Variants in CADM2 observed in about 807,000 individuals in gnomAD.
CADM2 encodes cell adhesion molecule 2.
A neutral mutation model predicts 49.8 loss-of-function variants in CADM2; 12 were observed. That is an observed-to-expected ratio of 0.24 (90% confidence interval 0.15 to 0.39). The LOEUF is 0.39. CADM2 is among the 10% of genes least tolerant of loss of function. The pLI, the probability that CADM2 is intolerant of heterozygous loss-of-function variation, is 1.00. For synonymous variants in CADM2, 214 were observed against 175.4 expected, an observed-to-expected ratio of 1.22 and a Z score of -1.74; for missense variants, 378 against 492.3, an observed-to-expected ratio of 0.77 and a Z score of 2.20.
intron 1 of CADM2, among the ~76,000 whole-genome samples, chr3:85,619,388 G>A (rs2063903152): frequency 6.6e-6 from 1 of 151,824 alleles, no homozygotes; most frequent in Non-Finnish European, 1.5e-5. Flanking sequence ...AGAATGAAAG[G>A]GGGAAAGAAG....
chr3:85,267,193 T>TATCA (rs928107420), intron 1 of CADM2, among the ~76,000 whole-genome samples: 26 of 151,796 alleles, frequency 1.7e-4, no homozygotes, highest in African/African-American at 6.3e-4. Flanking sequence ...TTAATTATCT[T>TATCA]ATCACTCTCA....
rs552252182 is a variant in CADM2 at position 85,000,691 on chromosome 3, T to G, written c.61+41023T>G. Among the ~76,000 whole-genome samples, 4 of 152,190 alleles carry G rather than the reference T, an allele frequency of 2.6e-5. No individual in the cohort carries two copies. In the East Asian group the frequency reaches 7.7e-4, roughly 29 times the overall value. ...AAACAAATTCACTCTTGGTTGTTGT[T>G]TTTTTTAATGTAGTTGCTTTTTTCA... On this transcript the variant is annotated intron_variant, in intron 1 of 9. Transcript: ENST00000383699.
intron 3 of CADM2, among the ~76,000 whole-genome samples, chr3:85,834,458 T>C (rs765035409): frequency 1.4e-4 from 22 of 151,818 alleles, no homozygotes; most frequent in Non-Finnish European, 2.5e-4. Context: ...CATGAGGGTA[T>C]AAGTAGAAAA....
chr3:85,675,161 T>C (rs2065855263), intron 1 of CADM2, among the ~76,000 whole-genome samples: 1 of 152,146 alleles, frequency 6.6e-6, no homozygotes, highest in South Asian at 2.1e-4. Flanking sequence ...TCCCTTCATA[T>C]TATTGGGGCA....
At chr3:85,640,631 G>A (rs1246617050) in intron 1 of CADM2, among the ~76,000 whole-genome samples, 4 of 152,112 alleles carry the variant, frequency 2.6e-5, no homozygotes, top group African/African-American at 7.2e-5. Context: ...AGCAGATTGG[G>A]ATCAGACTGT....
chr3:85,288,426 T>G (rs1212892915), intron 1 of CADM2, among the ~76,000 whole-genome samples: 1 of 152,112 alleles, frequency 6.6e-6, no homozygotes, highest in East Asian at 1.9e-4. Context: ...GTTAGATAAT[T>G]TTTGTTTTTT....
At chr3:85,000,704 G>C (rs564074943) in intron 1 of CADM2, among the ~76,000 whole-genome samples, 1 of 151,774 alleles carries the variant, frequency 6.6e-6, no homozygotes, top group East Asian at 1.9e-4. Flanking sequence ...TTTTAATGTA[G>C]TTGCTTTTTT....
At chr3:85,305,607 A>G (rs575355210) in intron 1 of CADM2, among the ~76,000 whole-genome samples, 288 of 151,806 alleles carry the variant, frequency 1.9e-3, no homozygotes, top group African/African-American at 6.3e-3. Flanking sequence ...TATTAAATCT[A>G]TATTGCAAAA....
intron 1 of CADM2, among the ~76,000 whole-genome samples, chr3:85,032,468 T>G (rs2035030005): frequency 6.6e-6 from 1 of 152,120 alleles, no homozygotes; most frequent in African/African-American, 2.4e-5. Flanking sequence ...GTACTAAAAT[T>G]ATGGGTCTTA....
intron 1 of CADM2, among the ~76,000 whole-genome samples, chr3:85,568,606 CTCTT>C (rs2062385240): frequency 2.0e-5 from 1 of 49,576 alleles, no homozygotes; most frequent in Non-Finnish European, 5.1e-5. Context: ...TTTCTTTCCT[CTCTT>C]TCTTTTTTTT....
chr3:85,936,379 A>G lies in CADM2; in HGVS notation c.791+522A>G, dbSNP rs1308465950. Among the ~76,000 whole-genome samples, 5 of 151,882 alleles carry G rather than the reference A, an allele frequency of 3.3e-5. No individual in the cohort carries two copies. The East Asian group carries it at 9.6e-4, about 29-fold the overall frequency. ...TTCAATATTAGAATATATGCACGTCAATGTGATAATGTCACTTCAACTCTA... is the reference window on the plus strand; with the variant it reads ...TTCAATATTAGAATATATGCACGTCGATGTGATAATGTCACTTCAACTCTA... On this transcript the variant is annotated intron_variant, in intron 7 of 9. Coordinates refer to ENST00000383699, the MANE Select transcript of CADM2 (RefSeq NM_001167675.2).
chr3:85,108,970 T>G, intron 1 of CADM2, among the ~76,000 whole-genome samples: 1 of 152,084 alleles, frequency 6.6e-6, no homozygotes, highest in East Asian at 1.9e-4. Context: ...GTATGGGAAC[T>G]ATATAGCTTA....
intron 8 of CADM2, among the ~76,000 whole-genome samples, chr3:86,033,268 C>A (rs1160345410): frequency 2.6e-5 from 4 of 151,958 alleles, no homozygotes. Context: ...ACTTGACAAA[C>A]TTTTCTAATA....
intron 2 of CADM2, among the ~76,000 whole-genome samples, chr3:85,761,367 CTTTTTTTT>C (rs529447125): frequency 9.9e-6 from 1 of 101,090 alleles, no homozygotes; most frequent in African/African-American, 4.8e-5. Context: ...CAACACAAAA[CTTTTTTTT>C]TTTTTTTTTT....
intron 1 of CADM2, among the ~76,000 whole-genome samples, chr3:84,976,582 G>A (rs2031834771): frequency 2.6e-5 from 4 of 151,730 alleles, no homozygotes; most frequent in Admixed American, 2.6e-4. Flanking sequence ...ACTTGTCTTA[G>A]AAGTAAAGTT....
At chr3:85,083,900 GA>G (rs2037271469) in intron 1 of CADM2, among the ~76,000 whole-genome samples, 1 of 152,068 alleles carries the variant, frequency 6.6e-6, no homozygotes, top group Non-Finnish European at 1.5e-5. Flanking sequence ...AGTTCCTATA[GA>G]AAGAAATAGT....
intron 1 of CADM2, among the ~76,000 whole-genome samples, chr3:85,681,749 G>A (rs577493966): frequency 6.6e-6 from 1 of 152,070 alleles, no homozygotes; most frequent in African/African-American, 2.4e-5. Context: ...CTTCATAGTA[G>A]CACAGAGAAA....
At chr3:85,581,561 G>C (rs932390176) in intron 1 of CADM2, among the ~76,000 whole-genome samples, 1 of 151,650 alleles carries the variant, frequency 6.6e-6, no homozygotes, top group African/African-American at 2.4e-5. Context: ...TTTCTTTTCT[G>C]TATTTGCAGC....
At chr3:85,656,292 A>G (rs533046738) in intron 1 of CADM2, among the ~76,000 whole-genome samples, 9 of 152,294 alleles carry the variant, frequency 5.9e-5, no homozygotes, top group Admixed American at 3.3e-4. Flanking sequence ...AGAAATTATT[A>G]TAGCTTATTA....
Sources: gnomAD v4.1 joint callset for allele counts (sites outside exome capture counted in the v4.1 genomes callset) on GRCh38, gnomAD v4.1.1 for gene constraint, MANE v1.5 for transcripts, NCBI Gene and HGNC (gene_info 2026-07-23, HGNC 2026-07-21) for gene names.